CPSF2: variants seen among roughly 807,000 people sequenced by gnomAD.
The protein encoded by CPSF2 is cleavage and polyadenylation specificity factor subunit 2.
Under a neutral mutation model 84.2 loss-of-function variants are expected in CPSF2, and 51 were observed. That is an observed-to-expected ratio of 0.61 (90% CI 0.48 to 0.77). The LOEUF is 0.77. Among genes scored for constraint, CPSF2 ranks in the 30% least tolerant of loss-of-function variants. The probability of loss-of-function intolerance (pLI) is 0.00; values close to 1 mark genes in which losing one functional copy is unlikely to be tolerated. For synonymous variants in CPSF2, 286 were observed against 311.9 expected, an observed-to-expected ratio of 0.92 and a Z score of 0.87; for missense variants, 641 against 929.4, an observed-to-expected ratio of 0.69 and a Z score of 4.03.
rs73330045 is a variant in CPSF2 at position 92,144,598 on chromosome 14, T to G, written c.1140+1304T>G. Among the ~76,000 whole-genome samples the G allele has an allele frequency of 5.0e-3, 765 of 152,358 alleles. 2 individuals carry two copies. Among genetic ancestry groups the G allele is most frequent in the African/African-American group, 0.018 (730 of 41,584 alleles). On this transcript the variant is annotated intron_variant, in intron 9 of 15. Transcript: ENST00000298875. ...AATACATTTAACTCTCCTACACTTC[T>G]GTTTTAGTTGCCTGGAAAGGCTTTG...
At chr14:92,160,292 T>C (rs999365781) in intron 14 of CPSF2, among the ~76,000 whole-genome samples, 74 of 152,340 alleles carry the variant, frequency 4.9e-4, no homozygotes, top group African/African-American at 1.5e-3. Context: ...TTTTATGTTA[T>C]TCAGTTCAAA....
At chr14:92,151,392 AAAAAC>A (rs573992606) in intron 9 of CPSF2, among the ~76,000 whole-genome samples, 19 of 151,906 alleles carry the variant, frequency 1.3e-4, no homozygotes, top group Admixed American at 2.0e-4. Flanking sequence ...ACCCTGTCTC[AAAAAC>A]AAAACAAAAC....
intron 9 of CPSF2, among the ~76,000 whole-genome samples, chr14:92,151,501 G>A (rs943333735): frequency 2.0e-5 from 3 of 151,512 alleles, no homozygotes; most frequent in Admixed American, 6.6e-5. Flanking sequence ...CAGGTTCTGC[G>A]TTAAAACTAA....
intron 9 of CPSF2, among the ~76,000 whole-genome samples, chr14:92,146,178 T>G (rs1409792911): frequency 1.3e-5 from 2 of 152,216 alleles, no homozygotes; most frequent in Non-Finnish European, 2.9e-5. Flanking sequence ...AGAATATTTC[T>G]GTGGCATGTT....
At position 92,162,027 on chromosome 14, in the gene CPSF2, C is replaced by G. The variant is rs2069380738; in HGVS notation, c.*283C>G. On this transcript the variant is annotated 3_prime_UTR_variant, in exon 16 of 16. Transcript: ENST00000298875. ...ACAGACTCCTTGTTCTCTAGAAGGG[C>G]TTTTTACTTGAATAAAACAATGCAA... 1 of 215,382 alleles carries G rather than the reference C, an allele frequency of 4.6e-6. No homozygotes were observed. The allele number at this position is 215,382 out of a possible 1,614,324, so 13.3% of individuals were successfully genotyped here.
At chr14:92,136,047 C>T (rs1422257376) in intron 6 of CPSF2, among the ~76,000 whole-genome samples, 1 of 152,192 alleles carries the variant, frequency 6.6e-6, no homozygotes, top group East Asian at 1.9e-4. Context: ...TAATTACCAT[C>T]TAATATAACT....
At position 92,159,419 on chromosome 14, in the gene CPSF2, T is replaced by C. The variant is rs148164518; in HGVS notation, c.2121+137T>C. The C allele has an allele frequency of 2.7e-4, 181 of 675,510 alleles. No homozygotes were observed. The Middle Eastern group carries it at 3.7e-3, about 14-fold the overall frequency. The allele number at this position is 675,510 out of a possible 1,614,324, so 41.8% of individuals were successfully genotyped here. On this transcript the variant is annotated intron_variant, in intron 14 of 15. Coordinates refer to ENST00000298875, the MANE Select transcript of CPSF2 (RefSeq NM_017437.3). ...TTTATATTTTTAACCATTTAAAATA[T>C]ATGTCAGCTGGGGGCAGTGACTCAC...
intron 1 of CPSF2, among the ~76,000 whole-genome samples, chr14:92,123,193 T>A (rs780960075): frequency 2.0e-5 from 3 of 151,950 alleles, no homozygotes; most frequent in Non-Finnish European, 2.9e-5. Context: ...AGTGGCACGA[T>A]TCTCGGCTCA....
At position 92,161,873 on chromosome 14, in the gene CPSF2, G is replaced by C. The variant is rs1220491835; in HGVS notation, c.*129G>C. 5.1e-6 allele frequency: 3 copies of C among 586,982 alleles called. No individual in the cohort carries two copies. The highest frequency in any genetic ancestry group is 2.0e-5 in the African/African-American group (1 of 50,558). 36.4% of individuals were successfully genotyped at this position (586,982 alleles called of 1,614,324 possible). A position where few individuals can be genotyped will look rare whatever the true frequency, so the allele number is the denominator to read the frequency against. ...CTGCCAGAAAAACTTACATGTATCAGATTTTTAAAAATATAAATAGAGAAC... is the reference window on the plus strand; with the variant it reads ...CTGCCAGAAAAACTTACATGTATCACATTTTTAAAAATATAAATAGAGAAC... On this transcript the variant is annotated 3_prime_UTR_variant, in exon 16 of 16. Coordinates refer to ENST00000298875, the MANE Select transcript of CPSF2 (RefSeq NM_017437.3).
chr14:92,143,258 A>G lies in CPSF2; in HGVS notation c.1104A>G (p.Leu368=), dbSNP rs1336902237. The change falls in exon 9 of 16, where the codon CTA becomes CTG. Residue 368 remains leucine (L), a synonymous_variant. Coordinates refer to ENST00000298875, the MANE Select transcript of CPSF2 (RefSeq NM_017437.3). ...CTCCTGGGACTTTAGCACGTTTCCT[A>G]ATTGATAATCCTTCTGAAAAAATTA... ...RTTPGTLARF[L]IDNPSEKITE... is the part of the protein sequence containing the mutation. The G allele has an allele frequency of 1.2e-6, 2 of 1,611,118 alleles. No individual in the cohort carries two copies. The highest frequency in any genetic ancestry group is 1.7e-6 in the Non-Finnish European group (2 of 1,178,492).
intron 10 of CPSF2, 151 bp downstream of exon 10, chr14:92,154,609 T>G: frequency 3.5e-6 from 2 of 569,822 alleles, no homozygotes; most frequent in Non-Finnish European, 6.3e-6. Flanking sequence ...TACCAGATCC[T>G]GTCAGTGCTA....
At chr14:92,142,982 G>A in intron 8 of CPSF2, 22 bp from the exon 9 acceptor site, 1 of 1,564,690 alleles carries the variant, frequency 6.4e-7, no homozygotes, top group Middle Eastern at 1.7e-4. Flanking sequence ...TCTAATTCTT[G>A]TCATCTTTCC....
Position 92,171,045 on chromosome 14 carries a change from A to G in CPSF2, c.*9301A>G, listed in dbSNP as rs2069511190. On this transcript the variant is annotated 3_prime_UTR_variant, in exon 16 of 16. Transcript: ENST00000298875. ...GCTATTTTGAGACTCTCAATATCCT[A>G]TTTCTCAAAATTTTACCCTTTACTT... 2 of 152,182 alleles carry G rather than the reference A, an allele frequency of 1.3e-5. No homozygotes were observed. Among genetic ancestry groups the G allele is most frequent in the Admixed American group, 6.5e-5 (1 of 15,272 alleles). The allele number at this position is 152,182 out of a possible 1,614,324, so 9.4% of individuals were successfully genotyped here.
chr14:92,138,389 A>G (rs1162906345), intron 7 of CPSF2, 42 bp downstream of exon 7: 1 of 1,069,238 alleles, frequency 9.4e-7, no homozygotes, highest in Non-Finnish European at 1.3e-6. Flanking sequence ...ATTATTTTGT[A>G]ACTTTTTGTA....
chr14:92,166,757 T>C lies in CPSF2; in HGVS notation c.*5013T>C, dbSNP rs2069452446. 1.3e-5 allele frequency: 2 copies of C among 152,180 alleles called. No homozygotes were observed. Among genetic ancestry groups the C allele is most frequent in the Admixed American group, 1.3e-4 (2 of 15,274 alleles). 9.4% of individuals were successfully genotyped at this position (152,180 alleles called of 1,614,324 possible). On this transcript the variant is annotated 3_prime_UTR_variant, in exon 16 of 16. Coordinates refer to ENST00000298875, the MANE Select transcript of CPSF2 (RefSeq NM_017437.3). ...GTTGAAAAGACTATTTCTTCATTGA[T>C]TTTTTTCTGCCACCCCTGTTTAAAA...
chr14:92,140,585 A>G (rs1445106317), intron 7 of CPSF2, among the ~76,000 whole-genome samples: 3 of 151,346 alleles, frequency 2.0e-5, no homozygotes, highest in Middle Eastern at 6.8e-3. Context: ...GGCGTGTGCA[A>G]CCATGCCCGG....
At chr14:92,129,218 C>G (rs2068884416) in intron 2 of CPSF2, among the ~76,000 whole-genome samples, 1 of 152,042 alleles carries the variant, frequency 6.6e-6, no homozygotes, top group Admixed American at 6.6e-5. Flanking sequence ...GAGGGAACAG[C>G]CAGGTACCTG....
chr14:92,122,682 T>A (rs1169013214), intron 1 of CPSF2, among the ~76,000 whole-genome samples: 2 of 151,338 alleles, frequency 1.3e-5, no homozygotes, highest in Non-Finnish European at 2.9e-5. Context: ...CACTGCGAAG[T>A]TCTAATTCTT....
In CPSF2 at chr14:92,167,209, A is replaced by G. The variant is rs1366557817; in HGVS notation, c.*5465A>G. 2 of 151,656 alleles carry G rather than the reference A, an allele frequency of 1.3e-5. No homozygotes were observed. The highest frequency in any genetic ancestry group is 4.8e-5 in the African/African-American group (2 of 41,240). The allele number at this position is 151,656 out of a possible 1,614,324, so 9.4% of individuals were successfully genotyped here. On this transcript the variant is annotated 3_prime_UTR_variant, in exon 16 of 16. Coordinates refer to ENST00000298875, the MANE Select transcript of CPSF2 (RefSeq NM_017437.3). ...GTATTTTTAATAGAGATGAGGTTTCATCATGCTGACCAGGCTGGTCTCGAA... is the reference window on the plus strand; with the variant it reads ...GTATTTTTAATAGAGATGAGGTTTCGTCATGCTGACCAGGCTGGTCTCGAA...
Sources: allele counts gnomAD v4.1 joint callset (sites outside exome capture counted in the v4.1 genomes callset), GRCh38; gene constraint gnomAD v4.1.1; transcripts MANE v1.5; gene names NCBI Gene and HGNC (gene_info 2026-07-23, HGNC 2026-07-21).